The following ZNF514 variants were observed in gnomAD, a reference collection of about 807,000 sequenced individuals.
The protein encoded by ZNF514 is zinc finger protein 514.
A neutral mutation model predicts 9.7 loss-of-function variants in ZNF514; 12 were observed. The ratio of observed to expected loss-of-function variants is 1.24; its 90% CI spans 0.79 to 2.01. The LOEUF (loss-of-function observed/expected upper bound fraction) is 2.01, where lower values mean the gene tolerates loss of function less well. Ranked by LOEUF, ZNF514 falls within the 30% of genes most tolerant of loss-of-function variation. The pLI is 0.00. For synonymous variants in ZNF514, 158 were observed against 163.7 expected, an observed-to-expected ratio of 0.97 and a Z score of 0.27; for missense variants, 467 against 465.5, an observed-to-expected ratio of 1.00 and a Z score of -0.03.
At chr2:95,153,927 A>C (rs1333804726) in intron 2 of ZNF514, 1 of 152,258 alleles carries the variant, frequency 6.6e-6, no homozygotes, top group Admixed American at 6.5e-5. Context: ...TTTTACACCA[A>C]AGTATTTAAA....
At position 95,149,291 on chromosome 2, in the gene ZNF514, T is replaced by A; in HGVS notation, c.1194A>T (p.Lys398Asn). The change falls in exon 5 of 5, where the codon AAA becomes AAT. Residue 398 changes from lysine to asparagine, a missense_variant. Lys to Asn is a moderately conservative substitution (Grantham distance 94, BLOSUM62 0). Transcript: ENST00000295208. Reference protein sequence around the residue: ...IKHQRSHAGKKTL With the variant: ...IKHQRSHAGKNTL ...TCTATATTCACTGAATTTATAGGGTTTTTTTTCCAGCATGACTTCTCTGAT... is the reference window on the plus strand; with the variant it reads ...TCTATATTCACTGAATTTATAGGGTATTTTTTCCAGCATGACTTCTCTGAT... 6.4e-7 allele frequency: 1 copy of A among 1,571,744 alleles called. No homozygotes were observed. Among genetic ancestry groups the A allele is most frequent in the East Asian group, 2.2e-5 (1 of 44,452 alleles).
rs2104460236 is a variant in ZNF514 at position 95,146,882 on chromosome 2, A to G, written c.*2400T>C. The stretch of plus-strand genomic sequence containing the variant: ...TCCTGTAAACCTTGGCTGTCCAGGA[A>G]TAAATTTCTGTGTGATCTTGACCTC... On this transcript the variant is annotated 3_prime_UTR_variant, in exon 5 of 5. Transcript: ENST00000295208. 6.6e-6 allele frequency among the ~76,000 whole-genome samples: 1 copy of G among 152,216 alleles called. No individual in the cohort carries two copies. Among genetic ancestry groups the G allele is most frequent in the Non-Finnish European group, 1.5e-5 (1 of 68,020 alleles).
intron 1 of ZNF514, among the ~76,000 whole-genome samples, chr2:95,157,861 A>G (rs777639587): frequency 6.6e-6 from 1 of 152,204 alleles, no homozygotes; most frequent in Admixed American, 6.5e-5. Flanking sequence ...TGAGGCTTTA[A>G]GGGGAGGAAG....
At chr2:95,125,697 G>A in the ZNF514 span, among the ~76,000 whole-genome samples, 1 of 152,256 alleles carries the variant, frequency 6.6e-6, no homozygotes, top group Non-Finnish European at 1.5e-5. Flanking sequence ...CTTCATGTAA[G>A]TGCAGTTATA....
At chr2:95,143,827 C>T (rs1673301108), downstream of ZNF514, among the ~76,000 whole-genome samples, 2 of 152,100 alleles carry the variant, frequency 1.3e-5, no homozygotes, top group Non-Finnish European at 2.9e-5. Flanking sequence ...GGGCTTGCTC[C>T]AGTAATAAAC....
the ZNF514 span, among the ~76,000 whole-genome samples, chr2:95,132,144 CAAAAAAAAAAAA>C: frequency 4.8e-3 from 80 of 16,612 alleles, 1 homozygote; most frequent in African/African-American, 0.015. Flanking sequence ...GACTCTGTCT[CAAAAAAAAAAAA>C]AAAAAAAAAA....
At chr2:95,123,461 C>T in the ZNF514 span, among the ~76,000 whole-genome samples, 1 of 152,238 alleles carries the variant, frequency 6.6e-6, no homozygotes, top group Non-Finnish European at 1.5e-5. Flanking sequence ...GAGGATTTCC[C>T]TTCACCGCCG....
At chr2:95,151,812 C>CT in intron 4 of ZNF514, among the ~76,000 whole-genome samples, 1 of 152,152 alleles carries the variant, frequency 6.6e-6, no homozygotes, top group Non-Finnish European at 1.5e-5. Context: ...GTTAAATAAA[C>CT]AGATGACTAG....
chr2:95,156,163 G>A (rs1215687050), intron 2 of ZNF514, among the ~76,000 whole-genome samples: 5 of 152,206 alleles, frequency 3.3e-5, no homozygotes, highest in African/African-American at 1.2e-4. Context: ...TACTAGGGGG[G>A]TTCCCCCTTT....
At chr2:95,140,561 C>T (rs374559372), downstream of ZNF514, among the ~76,000 whole-genome samples, 250 of 151,892 alleles carry the variant, frequency 1.6e-3, no homozygotes, top group Non-Finnish European at 2.6e-3. Flanking sequence ...TGCAGTAAGC[C>T]GAGACTGCAC....
intron 1 of ZNF514, 85 bp from the exon 2 acceptor site, chr2:95,157,524 A>G: frequency 1.5e-6 from 1 of 687,652 alleles, no homozygotes; most frequent in Admixed American, 2.4e-5. Context: ...GACCCAGAAC[A>G]GCTCTGAATG....
the ZNF514 span, among the ~76,000 whole-genome samples, chr2:95,131,298 A>G: frequency 6.6e-6 from 1 of 152,224 alleles, no homozygotes; most frequent in South Asian, 2.1e-4. Flanking sequence ...TCTATATCAA[A>G]GGGACCAGGC....
chr2:95,149,289 G>GT lies in ZNF514; in HGVS notation c.1195dup (p.Thr399AsnfsTer137), dbSNP rs755697811. The GT allele has an allele frequency of 3.8e-5, 60 of 1,570,198 alleles. No homozygotes were observed. Among genetic ancestry groups the GT allele is most frequent in the Admixed American group, 7.5e-5 (4 of 53,054 alleles). ...CTTCTATATTCACTGAATTTATAGGGTTTTTTTTCCAGCATGACTTCTCTG... is the reference window on the plus strand; with the variant it reads ...CTTCTATATTCACTGAATTTATAGGGTTTTTTTTTCCAGCATGACTTCTCTG... On this transcript the variant is annotated frameshift_variant, in exon 5 of 5. Coordinates refer to ENST00000295208, the MANE Select transcript of ZNF514 (RefSeq NM_032788.3). LOFTEE classifies it high-confidence loss of function.
chr2:95,138,496 C>A, the ZNF514 span, among the ~76,000 whole-genome samples: 1 of 152,162 alleles, frequency 6.6e-6, no homozygotes, highest in African/African-American at 2.4e-5. Context: ...TATATCCATG[C>A]CCTAGGGATC....
the ZNF514 span, among the ~76,000 whole-genome samples, chr2:95,125,573 A>G: frequency 1.1e-4 from 17 of 152,336 alleles, no homozygotes; most frequent in Admixed American, 1.1e-3. Flanking sequence ...ATTCAGTGGC[A>G]TTAAGTACAT....
Position 95,153,571 on chromosome 2 carries a change from T to C in ZNF514, c.-6-312A>G, listed in dbSNP as rs75502467. On this transcript the variant is annotated intron_variant, in intron 2 of 4. Coordinates refer to ENST00000295208, the MANE Select transcript of ZNF514 (RefSeq NM_032788.3). ...ACAACAATAAGGCCAAATCAAGTAA[T>C]CTGGGGCTTATGATAATTTATCCTC... The C allele has an allele frequency of 4.5e-3, 879 of 197,002 alleles. 8 individuals are homozygous for C. Among genetic ancestry groups the C allele is most frequent in the African/African-American group, 0.019 (811 of 43,406 alleles). The allele number at this position is 197,002 out of a possible 1,614,324, so 12.2% of individuals were successfully genotyped here. A position where few individuals can be genotyped will look rare whatever the true frequency, so the allele number is the denominator to read the frequency against.
chr2:95,151,914 A>G (rs1467514114), intron 4 of ZNF514, among the ~76,000 whole-genome samples: 1 of 152,234 alleles, frequency 6.6e-6, no homozygotes, highest in African/African-American at 2.4e-5. Context: ...CCTCTCTGCC[A>G]TAACCTAGTT....
the ZNF514 span, among the ~76,000 whole-genome samples, chr2:95,124,037 T>A: frequency 6.6e-6 from 1 of 152,190 alleles, no homozygotes; most frequent in Non-Finnish European, 1.5e-5. Flanking sequence ...GTACAATCCA[T>A]AGATTTTATG....
In ZNF514 at chr2:95,150,167, A is replaced by G; in HGVS notation, c.318T>C (p.Asp106=). 1 of 1,610,286 alleles carries G rather than the reference A, an allele frequency of 6.2e-7. No homozygotes were observed. Among genetic ancestry groups the G allele is most frequent in the Non-Finnish European group, 8.5e-7 (1 of 1,179,972 alleles). Residue 106 remains aspartate, a synonymous_variant, in exon 5 of 5, where the codon GAT becomes GAC. Transcript: ENST00000295208. The part of the protein sequence containing the change: ...QVVSVEKHIQ[D]VLQFSKLKAA... ...CTTTCAACTTCGAGAACTGCAGCAC[A>G]TCTTGAATGTGTTTTTCCACTGATA...
Sources: gnomAD v4.1 joint callset for allele counts (sites outside exome capture counted in the v4.1 genomes callset) on GRCh38, gnomAD v4.1.1 for gene constraint, MANE v1.5 for transcripts, NCBI Gene and HGNC (gene_info 2026-07-23, HGNC 2026-07-21) for gene names.